The following ADAMTSL5 variants were observed in gnomAD, a reference collection of about 807,000 sequenced individuals.
ADAMTSL5 encodes ADAMTS like 5.
ADAMTSL5 carries 53 observed loss-of-function variants against 51.7 expected under a neutral mutation model. That is an observed-to-expected ratio of 1.03 (90% CI 0.82 to 1.29). The LOEUF is 1.29. Ranked by LOEUF, ADAMTSL5 falls within the 50% of genes most tolerant of loss-of-function variation. ADAMTSL5 has a pLI of 0.00. For synonymous variants in ADAMTSL5, 285 were observed against 278.7 expected (o/e 1.02, Z -0.23); for missense variants, 770 against 676.2 (o/e 1.14, Z -1.54).
At chr19:1,512,445 C>T (rs1389600219) in intron 1 of ADAMTSL5, among the ~76,000 whole-genome samples, 1 of 152,062 alleles carries the variant, frequency 6.6e-6, no homozygotes, top group Non-Finnish European at 1.5e-5. Flanking sequence ...CTTTGGGAGG[C>T]CAAGACAGGC....
chr19:1,510,614 G>C, intron 3 of ADAMTSL5, 25 bp downstream of exon 3: 1 of 1,517,148 alleles, frequency 6.6e-7, no homozygotes, highest in Non-Finnish European at 8.8e-7. Context: ...AGGAGGGGCA[G>C]GGACCCCCTC....
rs775216509 is a variant in ADAMTSL5, at chr19:1,508,075, G to A, written c.524C>T (p.Ala175Val). 1.3e-5 allele frequency: 21 copies of A among 1,610,426 alleles called. No homozygotes were observed. The East Asian group carries it at 3.8e-4, about 29-fold the overall frequency. Residue 175 changes from alanine (A) to valine (V), a missense_variant, in exon 7 of 12, where the codon GCC (alanine) becomes GTC (valine). Physicochemically the swap from Ala to Val is moderately conservative, Grantham distance 64. Transcript: ENST00000330475. Reference protein sequence around the residue: ...AGCDGLLGSGALEDRCGRCGG... With the variant: ...AGCDGLLGSGVLEDRCGRCGG... Reference sequence around the variant, plus strand: ...GCAGCGGCCACAGCGGTCCTCGAGGGCACCCGAGCCCAACAACCCATCACA... The same window carrying A: ...GCAGCGGCCACAGCGGTCCTCGAGGACACCCGAGCCCAACAACCCATCACA...
rs2145510879 is a variant in ADAMTSL5 at position 1,510,267 on chromosome 19, A to G, written c.253-9T>C. Reference sequence around the variant, plus strand: ...GCCCCTGGGGGGCAGTCCTAGGGACAGAGATAGGTGAGCCAGAGGCTGGGA... The same window carrying G: ...GCCCCTGGGGGGCAGTCCTAGGGACGGAGATAGGTGAGCCAGAGGCTGGGA... On this transcript the variant is annotated splice_polypyrimidine_tract_variant and intron_variant, in intron 4 of 11. Transcript: ENST00000330475. 1 of 1,612,820 alleles carries G rather than the reference A, an allele frequency of 6.2e-7. No individual in the cohort carries two copies. The highest frequency in any genetic ancestry group is 8.5e-7 in the Non-Finnish European group (1 of 1,179,372).
At position 1,507,255 on chromosome 19, in the gene ADAMTSL5, T is replaced by C. The variant is rs1281601213; in HGVS notation, c.839A>G (p.Asp280Gly). 1.3e-6 allele frequency: 2 copies of C among 1,545,444 alleles called. No homozygotes were observed. Among genetic ancestry groups the C allele is most frequent in the Non-Finnish European group, 1.7e-6 (2 of 1,147,858 alleles). The stretch of plus-strand genomic sequence containing the variant: ...GCCCAGTGGCACCTGTAGGAGCAGG[T>C]CATGGGAGGTGGGCCCGGCTGCTTG... ...TLQAAGPTSH[D>G]LLLQVLLQEP... Residue 280 changes from aspartate to glycine, a missense_variant, in exon 9 of 12, where the codon GAC (aspartate) becomes GGC (glycine). Coordinates refer to ENST00000330475, the MANE Select transcript of ADAMTSL5 (RefSeq NM_213604.3).
rs768184768 is a variant in ADAMTSL5, at chr19:1,506,080, C to T, written c.1351G>A (p.Ala451Thr). The change falls in exon 12 of 12, where the codon GCC (alanine) becomes ACC (threonine). Residue 451 changes from alanine (A) to threonine (T), a missense_variant. Coordinates refer to ENST00000330475, the MANE Select transcript of ADAMTSL5 (RefSeq NM_213604.3). This position sits in a 1 kb window ranked among gnomAD's most constrained non-coding sequence, Gnocchi z 5.6. ...TCCTCCGCAGGGCTCCAGGGCCGGG[C>T]GTAGCCGGCGTGGGGCAGCAGCAGC... ...DQLLLPHAGY[A>T]RPWSPAEDSR... The T allele has an allele frequency of 2.4e-5, 39 of 1,598,686 alleles. No individual in the cohort carries two copies. In the South Asian group the frequency reaches 2.9e-4, roughly 12 times the overall value.
chr19:1,510,931 G>T lies in ADAMTSL5; in HGVS notation c.13C>A (p.Pro5Thr), dbSNP rs1376521248. The change falls in exon 2 of 12, where the codon CCT (proline) becomes ACT (threonine). Residue 5 changes from proline (P) to threonine (T), a missense_variant. Pro to Thr is a conservative substitution (Grantham distance 38, BLOSUM62 -1). Transcript: ENST00000330475. Reference protein sequence around the residue: MDSAPLFPRPHLFQN... With the variant: MDSATLFPRPHLFQN... ...AAGAGGTGGGGCCTGGGGAACAGAG[G>T]GGCCGAGTCCATAGAGCCACCGCCA... The T allele has an allele frequency of 2.8e-6, 4 of 1,450,858 alleles. No individual in the cohort carries two copies. The Admixed American group carries it at 9.1e-5, about 33-fold the overall frequency. The allele number at this position is 1,450,858 out of a possible 1,614,324, so 89.9% of individuals were successfully genotyped here. A position where few individuals can be genotyped will look rare whatever the true frequency, so the allele number is the denominator to read the frequency against.
rs1913240976 is a variant in ADAMTSL5 at position 1,511,032 on chromosome 19, C to A, written c.-89G>T. ...GAAAGTAACTAAACCTCTCTGAGCC[C>A]TACCTCTCGTCTCTGAAAAACGGGG... On this transcript the variant is annotated 5_prime_UTR_variant, in exon 2 of 12. In the 5' UTR this introduces an upstream ATG that the reference lacks. Coordinates refer to ENST00000330475, the MANE Select transcript of ADAMTSL5 (RefSeq NM_213604.3). The A allele has an allele frequency of 1.5e-5, 15 of 1,026,332 alleles. No individual in the cohort carries two copies. Among genetic ancestry groups the A allele is most frequent in the Non-Finnish European group, 1.8e-5 (14 of 773,918 alleles). The allele number at this position is 1,026,332 out of a possible 1,614,324, so 63.6% of individuals were successfully genotyped here.
In ADAMTSL5 at chr19:1,510,441, A is replaced by G. The variant is rs774744510; in HGVS notation, c.192-13T>C. 5 of 1,605,908 alleles carry G rather than the reference A, an allele frequency of 3.1e-6. No individual in the cohort carries two copies. The highest frequency in any genetic ancestry group is 4.2e-6 in the Non-Finnish European group (5 of 1,177,452). ...TTCCCCAGGAAGCCTGAAGGGAGAC[A>G]GAGTGTGGCGAGAACCCCCAGGGAC... On this transcript the variant is annotated splice_polypyrimidine_tract_variant and intron_variant, in intron 3 of 11. Transcript: ENST00000330475.
chr19:1,510,025 A>G (rs945749700), intron 5 of ADAMTSL5, 125 bp downstream of exon 5: 68 of 749,010 alleles, frequency 9.1e-5, no homozygotes, highest in Admixed American at 1.8e-4. Flanking sequence ...ACTAACTCCT[A>G]CATATCCTTC....
chr19:1,510,578 C>T, intron 3 of ADAMTSL5, 61 bp downstream of exon 3: 1 of 1,476,280 alleles, frequency 6.8e-7, no homozygotes, highest in South Asian at 1.4e-5. Context: ...AGGGTGCGGC[C>T]AGGGGCCGGG....
chr19:1,509,691 G>GGGAA (rs1280185443), intron 5 of ADAMTSL5, among the ~76,000 whole-genome samples: 1 of 142,388 alleles, frequency 7.0e-6, no homozygotes, highest in Non-Finnish European at 1.6e-5. Flanking sequence ...AAGGAAGAAA[G>GGGAA]GGAAGGAAGG....
chr19:1,510,508 C>T, intron 3 of ADAMTSL5, 80 bp from the exon 4 acceptor site: 1 of 1,515,048 alleles, frequency 6.6e-7, no homozygotes, highest in Non-Finnish European at 8.9e-7. Context: ...CCCCGCCAAC[C>T]CCACCCGCAT....
At position 1,510,650 on chromosome 19, in the gene ADAMTSL5, C is replaced by T. The variant is rs1035883940; in HGVS notation, c.180G>A (p.Arg60=). ...SCGRGVSVRS[R]RCLRLPGEEP... ...CGGGCCCCGCTCACCGGAGGCAGCG[C>T]CGGCTGCGCACAGAGACGCCACGCC... The change falls in exon 3 of 12, where the codon CGG becomes CGA. Residue 60 remains arginine (R), a synonymous_variant. Coordinates refer to ENST00000330475, the MANE Select transcript of ADAMTSL5 (RefSeq NM_213604.3). 1.5e-5 allele frequency: 23 copies of T among 1,537,282 alleles called. No homozygotes were observed. Among genetic ancestry groups the T allele is most frequent in the Non-Finnish European group, 1.9e-5 (22 of 1,140,824 alleles).
chr19:1,508,410 G>C, intron 6 of ADAMTSL5, 33 bp downstream of exon 6: 1 of 1,494,822 alleles, frequency 6.7e-7, no homozygotes, highest in Non-Finnish European at 8.9e-7. Context: ...TGGGAGGTGG[G>C]CGGGGCTCGG....
chr19:1,506,846 A>G lies in ADAMTSL5; in HGVS notation c.935T>C (p.Val312Ala), dbSNP rs1912959910. The change falls in exon 10 of 12, where the codon GTG (valine) becomes GCG (alanine). Residue 312 changes from valine (V) to alanine (A), a missense_variant. By Grantham distance (64) the Val-to-Ala change is moderately conservative. Transcript: ENST00000330475. The surrounding 1 kb of genome is among the most constrained non-coding windows in gnomAD (Gnocchi z 5.6). Reference protein sequence around the residue: ...RERYSPFQARVQALGWPLRQP... With the variant: ...RERYSPFQARAQALGWPLRQP... ...CCTCAGGGGCCAGCCCAGGGCCTGC[A>G]CACGAGCCTGGAAGGGGCTGTAGCG... 4.5e-6 allele frequency: 7 copies of G among 1,543,534 alleles called. No individual in the cohort carries two copies. Among genetic ancestry groups the G allele is most frequent in the African/African-American group, 1.4e-5 (1 of 72,660 alleles).
In ADAMTSL5 at chr19:1,506,094, G is replaced by GGCA. The variant is rs755125350; in HGVS notation, c.1334_1336dup (p.Leu445dup). 11 of 1,604,550 alleles carry GGCA rather than the reference G, an allele frequency of 6.9e-6. No individual in the cohort carries two copies. The highest frequency in any genetic ancestry group is 2.2e-5 in the East Asian group (1 of 44,690). On this transcript the variant is annotated inframe_insertion, in exon 12 of 12. Transcript: ENST00000330475. The surrounding 1 kb of genome is among the most constrained non-coding windows in gnomAD (Gnocchi z 5.6). ...CCAGGGCCGGGCGTAGCCGGCGTGG[G>GGCA]GCAGCAGCAGCTGGTCCTGTGTGCC...
At chr19:1,512,763 G>A (rs753343794) in intron 1 of ADAMTSL5, among the ~76,000 whole-genome samples, 200 bp downstream of exon 1, 2 of 152,156 alleles carry the variant, frequency 1.3e-5, no homozygotes, top group Non-Finnish European at 1.5e-5. Flanking sequence ...CCTGGTTTGA[G>A]GAGTGGGGGT....
chr19:1,507,255 T>A lies in ADAMTSL5; in HGVS notation c.839A>T (p.Asp280Val). The A allele has an allele frequency of 6.5e-7, 1 of 1,545,562 alleles. No homozygotes were observed. The highest frequency in any genetic ancestry group is 8.7e-7 in the Non-Finnish European group (1 of 1,147,850). The change falls in exon 9 of 12, where the codon GAC becomes GTC. Residue 280 changes from aspartate (D) to valine (V), a missense_variant. Asp to Val is a radical substitution (Grantham distance 152). Transcript: ENST00000330475. ...GCCCAGTGGCACCTGTAGGAGCAGGTCATGGGAGGTGGGCCCGGCTGCTTG... is the reference window on the plus strand; with the variant it reads ...GCCCAGTGGCACCTGTAGGAGCAGGACATGGGAGGTGGGCCCGGCTGCTTG... ...TLQAAGPTSH[D>V]LLLQVLLQEP...
chr19:1,510,161 G>A lies in ADAMTSL5; in HGVS notation c.350C>T (p.Pro117Leu). ...LGTQKTYQWVPFHGAPNQCDL... is the reference protein window; with the variant it reads ...LGTQKTYQWVLFHGAPNQCDL... ...ACCAGACTACTCACCCCCATGGAAG[G>A]GCACCCACTGGTAGGTCTTCTGGGT... Residue 117 changes from proline (P) to leucine (L), a missense_variant, in exon 5 of 12, where the codon CCC becomes CTC. By Grantham distance (98) the Pro-to-Leu change is moderately conservative. Coordinates refer to ENST00000330475, the MANE Select transcript of ADAMTSL5 (RefSeq NM_213604.3). 6.2e-7 allele frequency: 1 copy of A among 1,611,428 alleles called. No homozygotes were observed.
Sources: allele counts gnomAD v4.1 joint callset (sites outside exome capture counted in the v4.1 genomes callset), GRCh38; gene constraint gnomAD v4.1.1; non-coding constraint Gnocchi (gnomAD v3.1); transcripts MANE v1.5; gene names NCBI Gene and HGNC (gene_info 2026-07-23, HGNC 2026-07-21).